The following NEK10 variants were observed in gnomAD, a reference collection of about 807,000 sequenced individuals.
NEK10 encodes the protein serine/threonine-protein kinase Nek10.
In NEK10, 122 loss-of-function variants were observed where a neutral mutation model predicts 159.8. The ratio of observed to expected loss-of-function variants is 0.76; its 90% confidence interval spans 0.66 to 0.89. NEK10 has a LOEUF of 0.89. Among genes scored for constraint, NEK10 ranks in the 40% least tolerant of loss-of-function variants. The pLI, the probability that NEK10 is intolerant of heterozygous loss-of-function variation, is 0.00. For missense variants in NEK10, 1,342 were observed against 1,323.1 expected (o/e 1.01, Z -0.22); for synonymous variants, 466 against 457.1 (o/e 1.02, Z -0.25).
rs146529112 is a variant in NEK10 at position 27,156,779 on chromosome 3, A to G, written c.2869+5922T>C. Among the ~76,000 whole-genome samples the G allele has an allele frequency of 2.9e-4, 44 of 151,406 alleles. No homozygotes were observed. In the East Asian group the frequency reaches 8.4e-3, roughly 29 times the overall value. The stretch of plus-strand genomic sequence containing the variant: ...AGAACTAAAAGTTCTTTAAGCCAGC[A>G]ATCCCACTACTGGGTATCTACCCAG... On this transcript the variant is annotated intron_variant, in intron 30 of 35. Transcript: ENST00000691995.
At chr3:27,142,756 G>A (rs1943910971) in intron 30 of NEK10, among the ~76,000 whole-genome samples, 1 of 151,952 alleles carries the variant, frequency 6.6e-6, no homozygotes, top group Non-Finnish European at 1.5e-5. Flanking sequence ...TTTATTATAA[G>A]CACATGAAAA....
chr3:27,207,124 T>C (rs1055715306), intron 23 of NEK10, among the ~76,000 whole-genome samples: 10 of 152,202 alleles, frequency 6.6e-5, no homozygotes, highest in African/African-American at 1.9e-4. Flanking sequence ...AGCTAATGTT[T>C]CCAGGACATC....
At position 27,367,547 on chromosome 3, in the gene NEK10, G is replaced by A. The variant is rs1285835279; in HGVS notation, c.-38+1678C>T. ...CCTTTTATAAGCAAAAGCTTCATTG[G>A]CCATTTCTGACTTTTCTGGAAGAAA... On this transcript the variant is annotated intron_variant, in intron 1 of 35. Transcript: ENST00000691995. The A allele has an allele frequency of 2.0e-5, 3 of 152,056 alleles. No individual in the cohort carries two copies. Among genetic ancestry groups the A allele is most frequent in the Non-Finnish European group, 4.4e-5 (3 of 67,992 alleles). The allele number at this position is 152,056 out of a possible 1,614,324, so 9.4% of individuals were successfully genotyped here. A position where few individuals can be genotyped will look rare whatever the true frequency, so the allele number is the denominator to read the frequency against.
intron 30 of NEK10, among the ~76,000 whole-genome samples, chr3:27,155,877 C>G (rs147506745): frequency 0.018 from 2,807 of 152,220 alleles, 97 homozygotes; most frequent in African/African-American, 0.064. Flanking sequence ...ATCATACTAC[C>G]TGATTTCAAA....
intron 23 of NEK10, among the ~76,000 whole-genome samples, chr3:27,233,241 A>C (rs1281218196): frequency 6.6e-6 from 1 of 152,152 alleles, no homozygotes; most frequent in African/African-American, 2.4e-5. Flanking sequence ...GCACATGAAT[A>C]GACAGTTCTT....
chr3:27,332,322 A>T (rs986944731), intron 5 of NEK10, among the ~76,000 whole-genome samples: 1 of 152,250 alleles, frequency 6.6e-6, no homozygotes, highest in Non-Finnish European at 1.5e-5. Flanking sequence ...ATATTCATAT[A>T]ACATGATCCA....
At chr3:27,158,005 T>G (rs1945656042) in intron 30 of NEK10, among the ~76,000 whole-genome samples, 1 of 152,190 alleles carries the variant, frequency 6.6e-6, no homozygotes, top group Non-Finnish European at 1.5e-5. Context: ...TATTGTGCAC[T>G]TAATAGACTT....
At chr3:27,331,249 A>AC (rs2046381999) in intron 5 of NEK10, among the ~76,000 whole-genome samples, 1 of 67,476 alleles carries the variant, frequency 1.5e-5, no homozygotes, top group African/African-American at 3.0e-5. Context: ...AAAAAAAAAA[A>AC]ACAAAAAAAA....
At chr3:27,210,178 G>C (rs1219768550) in intron 23 of NEK10, among the ~76,000 whole-genome samples, 1 of 152,134 alleles carries the variant, frequency 6.6e-6, no homozygotes, top group Non-Finnish European at 1.5e-5. Flanking sequence ...AAAGGAACTT[G>C]TTTCTTACAA....
intron 22 of NEK10, among the ~76,000 whole-genome samples, chr3:27,264,199 T>A (rs1377179235): frequency 6.6e-6 from 1 of 152,102 alleles, no homozygotes; most frequent in Non-Finnish European, 1.5e-5. Context: ...ATCAATTCAA[T>A]GATAAACTCA....
chr3:27,343,598 A>G (rs1162857059), intron 5 of NEK10, among the ~76,000 whole-genome samples: 2 of 152,172 alleles, frequency 1.3e-5, no homozygotes, highest in Non-Finnish European at 2.9e-5. Flanking sequence ...CACTGTTAGG[A>G]GCCTCCTTTG....
At chr3:27,262,274 T>A (rs2040481882) in intron 22 of NEK10, among the ~76,000 whole-genome samples, 1 of 152,240 alleles carries the variant, frequency 6.6e-6, no homozygotes. Context: ...ATTTTTTCCT[T>A]CATTTCAACT....
chr3:27,180,446 G>A (rs1003969196), intron 26 of NEK10, among the ~76,000 whole-genome samples: 1 of 150,824 alleles, frequency 6.6e-6, no homozygotes, highest in South Asian at 2.1e-4. Flanking sequence ...GGGAAGGGAG[G>A]GGAAGGGAAG....
intron 25 of NEK10, 33 bp from the exon 26 acceptor site, chr3:27,192,275 G>C (rs1399009762): frequency 1.3e-6 from 2 of 1,530,662 alleles, no homozygotes; most frequent in Admixed American, 1.7e-5. Context: ...TAACACTCTG[G>C]TCAATGTTGG....
At chr3:27,309,209 A>T (rs2044488314) in intron 9 of NEK10, 2 of 334,072 alleles carry the variant, frequency 6.0e-6, no homozygotes, top group South Asian at 1.6e-4. Flanking sequence ...AACTATATAT[A>T]ATGTTAAAGC....
At chr3:27,281,309 G>A (rs903683351) in intron 22 of NEK10, among the ~76,000 whole-genome samples, 7 of 151,928 alleles carry the variant, frequency 4.6e-5, no homozygotes, top group African/African-American at 1.7e-4. Context: ...AACTTCCCAG[G>A]ACTTAAATTT....
At chr3:27,257,536 G>A (rs991819829) in intron 22 of NEK10, among the ~76,000 whole-genome samples, 3 of 151,940 alleles carry the variant, frequency 2.0e-5, no homozygotes, top group African/African-American at 4.8e-5. Flanking sequence ...ATAAAAATTC[G>A]CATTATTAAT....
intron 35 of NEK10, among the ~76,000 whole-genome samples, chr3:27,114,613 T>C (rs1405649006): frequency 6.6e-6 from 1 of 152,214 alleles, no homozygotes; most frequent in East Asian, 1.9e-4. Context: ...CTAATTTCTA[T>C]ATAATGACCT....
intron 5 of NEK10, among the ~76,000 whole-genome samples, chr3:27,326,625 A>T (rs924990967): frequency 6.6e-6 from 1 of 152,250 alleles, no homozygotes. Flanking sequence ...AGTGTATATA[A>T]ATGAAGAGTT....
Sources: allele counts gnomAD v4.1 joint callset (sites outside exome capture counted in the v4.1 genomes callset), GRCh38; gene constraint gnomAD v4.1.1; transcripts MANE v1.5; gene names NCBI Gene and HGNC (gene_info 2026-07-23, HGNC 2026-07-21).